The following GRIA4 variants were observed in gnomAD, a reference collection of about 807,000 sequenced individuals.
The protein encoded by GRIA4 is glutamate receptor 4.
A neutral mutation model predicts 104.0 loss-of-function variants in GRIA4; 34 were observed. That is an observed-to-expected ratio of 0.33 (90% CI 0.25 to 0.44). The LOEUF (loss-of-function observed/expected upper bound fraction) is 0.44. Ranked by LOEUF, GRIA4 falls within the 20% of genes least tolerant of loss-of-function variation. GRIA4 has a pLI of 1.00. For synonymous variants in GRIA4, 386 were observed against 381.9 expected (o/e 1.01, Z -0.13); for missense variants, 750 against 1,096.5 (o/e 0.68, Z 4.46).
intron 4 of GRIA4, among the ~76,000 whole-genome samples, chr11:105,810,910 A>AT (rs904654343): frequency 9.2e-5 from 14 of 152,158 alleles, no homozygotes; most frequent in Non-Finnish European, 1.5e-4. Flanking sequence ...TGTGTTAAGC[A>AT]TTTTTTTTAA....
intron 12 of GRIA4, among the ~76,000 whole-genome samples, chr11:105,926,014 G>C (rs1395712296): frequency 1.3e-5 from 2 of 152,082 alleles, no homozygotes; most frequent in African/African-American, 2.4e-5. Context: ...CAGAGAAAGA[G>C]TGAAAAGAGA....
At chr11:105,844,210 TC>T (rs1944495834) in intron 4 of GRIA4, among the ~76,000 whole-genome samples, 1 of 152,148 alleles carries the variant, frequency 6.6e-6, no homozygotes, top group Non-Finnish European at 1.5e-5. Flanking sequence ...GGATATAACC[TC>T]CCCTTCCAAT....
intron 3 of GRIA4, among the ~76,000 whole-genome samples, chr11:105,615,847 C>G (rs925724356): frequency 2.0e-5 from 3 of 151,520 alleles, no homozygotes; most frequent in Non-Finnish European, 4.4e-5. Flanking sequence ...TTCAGTTTGA[C>G]CAAGAGTAAT....
chr11:105,960,547 C>T (rs1948714003), intron 14 of GRIA4, among the ~76,000 whole-genome samples: 1 of 152,206 alleles, frequency 6.6e-6, no homozygotes, highest in South Asian at 2.1e-4. Flanking sequence ...CCTTCCCCCA[C>T]CCAGGTAGTT....
intron 4 of GRIA4, among the ~76,000 whole-genome samples, chr11:105,763,071 A>C (rs1052103076): frequency 1.3e-5 from 2 of 152,168 alleles, no homozygotes; most frequent in Admixed American, 1.3e-4. Flanking sequence ...AGAGATACAA[A>C]ATAAAAATAT....
intron 4 of GRIA4, among the ~76,000 whole-genome samples, chr11:105,856,387 T>A (rs1945008303): frequency 6.6e-6 from 1 of 152,144 alleles, no homozygotes; most frequent in African/African-American, 2.4e-5. Context: ...ATGCCAATTC[T>A]CCACATATCC....
intron 3 of GRIA4, among the ~76,000 whole-genome samples, chr11:105,662,784 A>C (rs1952051615): frequency 6.6e-6 from 1 of 151,868 alleles, no homozygotes; most frequent in African/African-American, 2.4e-5. Context: ...CATTTCAAAA[A>C]AAGCCAGTGG....
At chr11:105,641,196 G>A (rs1189290642) in intron 3 of GRIA4, among the ~76,000 whole-genome samples, 1 of 152,000 alleles carries the variant, frequency 6.6e-6, no homozygotes, top group African/African-American at 2.4e-5. Context: ...TAACTAGTAA[G>A]AATAATTATT....
chr11:105,863,712 A>G lies in GRIA4; in HGVS notation c.672+1504A>G, dbSNP rs560679305. On this transcript the variant is annotated intron_variant, in intron 5 of 16. Transcript: ENST00000282499. ...TCACGATGAATCCCACAGAGCAGCC[A>G]ATTCTAAGAACTGCCTGGATTGCCA... Among the ~76,000 whole-genome samples, 577 of 152,228 alleles carry G rather than the reference A, an allele frequency of 3.8e-3. 4 individuals carry two copies. Among genetic ancestry groups the G allele is most frequent in the African/African-American group, 0.013 (530 of 41,542 alleles).
intron 5 of GRIA4, among the ~76,000 whole-genome samples, chr11:105,868,172 G>T (rs543408941): frequency 6.6e-6 from 1 of 152,144 alleles, no homozygotes; most frequent in Non-Finnish European, 1.5e-5. Context: ...ACAGAGAAAA[G>T]AAGCATTTAA....
intron 3 of GRIA4, among the ~76,000 whole-genome samples, chr11:105,685,020 G>A (rs1001411099): frequency 1.3e-5 from 2 of 152,008 alleles, no homozygotes; most frequent in African/African-American, 4.8e-5. Flanking sequence ...TGGTCTTCTA[G>A]ATAAAAAGGG....
At chr11:105,628,287 A>G (rs1950939679) in intron 3 of GRIA4, among the ~76,000 whole-genome samples, 1 of 152,208 alleles carries the variant, frequency 6.6e-6, no homozygotes, top group Non-Finnish European at 1.5e-5. Flanking sequence ...ACACATATAG[A>G]GTTCAGAATA....
chr11:105,741,297 C>A (rs1372111664), intron 3 of GRIA4, among the ~76,000 whole-genome samples: 2 of 152,018 alleles, frequency 1.3e-5, no homozygotes, highest in Non-Finnish European at 2.9e-5. Flanking sequence ...GTTTTAGGTG[C>A]AGAAGAGACA....
chr11:105,771,162 C>T (rs1941191636), intron 4 of GRIA4, among the ~76,000 whole-genome samples: 1 of 152,004 alleles, frequency 6.6e-6, no homozygotes, highest in South Asian at 2.1e-4. Context: ...TGAAAGCATA[C>T]TCTACAAAGC....
chr11:105,900,648 G>A (rs956010441), intron 7 of GRIA4, among the ~76,000 whole-genome samples: 11 of 151,734 alleles, frequency 7.2e-5, no homozygotes, highest in South Asian at 2.1e-4. Context: ...GTGCAGTGTC[G>A]CGATCTCGCC....
At chr11:105,764,147 T>A (rs968893447) in intron 4 of GRIA4, among the ~76,000 whole-genome samples, 3 of 152,190 alleles carry the variant, frequency 2.0e-5, no homozygotes, top group Non-Finnish European at 4.4e-5. Flanking sequence ...TTTTGTTTTT[T>A]GTTTTTTTGA....
chr11:105,947,236 T>C (rs1359704586), intron 14 of GRIA4, among the ~76,000 whole-genome samples: 1 of 152,196 alleles, frequency 6.6e-6, no homozygotes, highest in Admixed American at 6.5e-5. Context: ...TAACCTAATT[T>C]TGACTTTCTC....
chr11:105,735,589 T>C (rs1367683471), intron 3 of GRIA4, among the ~76,000 whole-genome samples: 1 of 152,206 alleles, frequency 6.6e-6, no homozygotes, highest in East Asian at 1.9e-4. Context: ...TACTGTAAAA[T>C]TGTTCCTTCT....
intron 4 of GRIA4, among the ~76,000 whole-genome samples, chr11:105,829,322 C>A (rs1180645935): frequency 6.6e-6 from 1 of 151,998 alleles, no homozygotes; most frequent in Non-Finnish European, 1.5e-5. Flanking sequence ...AGATCACTGA[C>A]TAGCTCTTTA....
Sources: allele counts gnomAD v4.1 joint callset (sites outside exome capture counted in the v4.1 genomes callset), GRCh38; gene constraint gnomAD v4.1.1; transcripts MANE v1.5; gene names NCBI Gene and HGNC (gene_info 2026-07-23, HGNC 2026-07-21).